Variants in HMGB1 observed in about 807,000 individuals in gnomAD.
HMGB1 encodes high mobility group protein B1.
For synonymous variants in HMGB1, 81 were observed against 84.0 expected, an observed-to-expected ratio of 0.96 and a Z score of 0.19; for missense variants, 79 against 253.5, an observed-to-expected ratio of 0.31 and a Z score of 4.67.
intron 3 of HMGB1, 23 bp downstream of exon 3, chr13:30,463,184 G>T (rs372372227): frequency 6.3e-7 from 1 of 1,597,524 alleles, no homozygotes; most frequent in South Asian, 1.1e-5. Flanking sequence ...TGTCTGGGAA[G>T]TAAAAACAGG....
In HMGB1 at chr13:30,459,135, ACTTT is replaced by A. The variant is rs1482379161; in HGVS notation, c.*2218_*2221del. The A allele has an allele frequency of 6.6e-6, 1 of 151,994 alleles. No individual in the cohort carries two copies. The highest frequency in any genetic ancestry group is 2.4e-5 in the African/African-American group (1 of 41,354). The allele number at this position is 151,994 out of a possible 1,614,324, so 9.4% of individuals were successfully genotyped here. The stretch of plus-strand genomic sequence containing the variant: ...CTTGGCATTAAAATAGTTTCTATAC[ACTTT>A]CTAAAAAAAATCATCTTCAGTTACA... On this transcript the variant is annotated 3_prime_UTR_variant, in exon 5 of 5. Coordinates refer to ENST00000341423, the MANE Select transcript of HMGB1 (RefSeq NM_002128.7).
chr13:30,477,794 G>A (rs1887131978), intron 1 of HMGB1, among the ~76,000 whole-genome samples: 1 of 152,312 alleles, frequency 6.6e-6, no homozygotes, highest in South Asian at 2.1e-4. Flanking sequence ...CTCTGCCAGT[G>A]AGGAGCTGGA....
chr13:30,522,390 C>T (rs1259099412), intron 1 of HMGB1, among the ~76,000 whole-genome samples: 1 of 152,144 alleles, frequency 6.6e-6, no homozygotes, highest in Non-Finnish European at 1.5e-5. Flanking sequence ...AGGTGTGAGC[C>T]ACTGTGCCTG....
At chr13:30,485,983 C>T (rs1285984370) in intron 1 of HMGB1, among the ~76,000 whole-genome samples, 5 of 152,122 alleles carry the variant, frequency 3.3e-5, no homozygotes, top group African/African-American at 9.7e-5. Flanking sequence ...AGCTGAAGCT[C>T]GAACCCTTGA....
At chr13:30,490,528 A>G (rs964394763) in intron 1 of HMGB1, among the ~76,000 whole-genome samples, 1 of 152,020 alleles carries the variant, frequency 6.6e-6, no homozygotes, top group African/African-American at 2.4e-5. Context: ...CTGAGGCGCA[A>G]GAATCACTTG....
intron 1 of HMGB1, among the ~76,000 whole-genome samples, chr13:30,570,748 A>G (rs1306660975): frequency 6.6e-6 from 1 of 152,202 alleles, no homozygotes; most frequent in African/African-American, 2.4e-5. Context: ...ATTAAAAGCT[A>G]TTATTAAATG....
chr13:30,606,944 A>G (rs1320215235), intron 1 of HMGB1, among the ~76,000 whole-genome samples: 2 of 152,252 alleles, frequency 1.3e-5, no homozygotes, highest in East Asian at 1.9e-4. Flanking sequence ...AAGTTTCCTC[A>G]CTTACACTGT....
chr13:30,463,165 T>G, intron 3 of HMGB1, 42 bp downstream of exon 3: 1 of 1,582,336 alleles, frequency 6.3e-7, no homozygotes, highest in Non-Finnish European at 8.6e-7. Flanking sequence ...CAGATTCTAC[T>G]GTAAAACGTG....
chr13:30,591,077 C>CTGGAG (rs1408816242), intron 1 of HMGB1, among the ~76,000 whole-genome samples: 2 of 142,200 alleles, frequency 1.4e-5, no homozygotes, highest in Non-Finnish European at 3.0e-5. Context: ...CTCACCCAGG[C>CTGGAG]TGGAGTGCAA....
chr13:30,592,316 T>G (rs1433362544), intron 1 of HMGB1, among the ~76,000 whole-genome samples: 1 of 152,122 alleles, frequency 6.6e-6, no homozygotes, highest in Admixed American at 6.6e-5. Flanking sequence ...ATTAAGAAAA[T>G]GTACAACACA....
chr13:30,594,790 C>A (rs1416313966), intron 1 of HMGB1, among the ~76,000 whole-genome samples: 1 of 152,186 alleles, frequency 6.6e-6, no homozygotes, highest in Non-Finnish European at 1.5e-5. Flanking sequence ...TTTTTAGTTG[C>A]TCTCCACAGG....
intron 1 of HMGB1, among the ~76,000 whole-genome samples, chr13:30,475,326 C>G (rs1887069168): frequency 6.7e-6 from 1 of 150,100 alleles, no homozygotes; most frequent in East Asian, 2.0e-4. Flanking sequence ...CCCTTCACCC[C>G]ACCCCAAGTA....
chr13:30,578,750 T>C (rs1373415565), intron 1 of HMGB1, among the ~76,000 whole-genome samples: 1 of 152,212 alleles, frequency 6.6e-6, no homozygotes, highest in Non-Finnish European at 1.5e-5. Flanking sequence ...TCTCTATATA[T>C]ACCTATACTC....
chr13:30,560,698 A>C (rs987723874), intron 1 of HMGB1, among the ~76,000 whole-genome samples: 4 of 152,234 alleles, frequency 2.6e-5, no homozygotes, highest in African/African-American at 9.6e-5. Context: ...ATCCTAGGAC[A>C]GAGAATAAAG....
At chr13:30,611,020 A>G (rs1043493426) in intron 1 of HMGB1, among the ~76,000 whole-genome samples, 4 of 152,224 alleles carry the variant, frequency 2.6e-5, no homozygotes, top group African/African-American at 7.2e-5. Flanking sequence ...TTACAATTCA[A>G]TCATTAAACT....
At chr13:30,518,414 C>A (rs1888149061) in intron 1 of HMGB1, among the ~76,000 whole-genome samples, 1 of 152,148 alleles carries the variant, frequency 6.6e-6, no homozygotes, top group African/African-American at 2.4e-5. Flanking sequence ...ATTTTCAAGA[C>A]CCAATTTAGA....
At chr13:30,609,648 T>G (rs1349168825) in intron 1 of HMGB1, among the ~76,000 whole-genome samples, 2 of 152,194 alleles carry the variant, frequency 1.3e-5, no homozygotes, top group Admixed American at 1.3e-4. Flanking sequence ...GTTACATGGA[T>G]AAGTTCTTTA....
intron 1 of HMGB1, among the ~76,000 whole-genome samples, chr13:30,602,485 T>C (rs749507443): frequency 1.3e-5 from 2 of 152,228 alleles, no homozygotes; most frequent in Non-Finnish European, 2.9e-5. Flanking sequence ...AACATGTTCA[T>C]TTACAATACT....
At chr13:30,461,792 T>G in intron 4 of HMGB1, 1 of 704,930 alleles carries the variant, frequency 1.4e-6, no homozygotes, top group Non-Finnish European at 2.3e-6. Flanking sequence ...GAGGTGCAAT[T>G]ATGTACCACA....
Sources: gnomAD v4.1 joint callset for allele counts (sites outside exome capture counted in the v4.1 genomes callset) on GRCh38, gnomAD v4.1.1 for gene constraint, MANE v1.5 for transcripts, NCBI Gene and HGNC (gene_info 2026-07-23, HGNC 2026-07-21) for gene names.